The following LYZL1 variants were observed in gnomAD, a reference collection of about 807,000 sequenced individuals.
LYZL1 encodes the protein lysozyme like 1, also known as lysozyme-like protein 1.
Under a neutral mutation model 17.9 loss-of-function variants are expected in LYZL1, and 16 were observed. The observed-to-expected ratio is 0.90, with a 90% confidence interval of 0.61 to 1.36. LYZL1 has a LOEUF of 1.36. Among genes scored for constraint, LYZL1 ranks in the 40% most tolerant of loss-of-function variants. LYZL1 has a pLI of 0.00. For missense variants in LYZL1, 149 were observed against 188.4 expected, an observed-to-expected ratio of 0.79 and a Z score of 1.22; for synonymous variants, 58 against 71.8, an observed-to-expected ratio of 0.81 and a Z score of 0.97.
downstream of LYZL1, among the ~76,000 whole-genome samples, chr10:29,316,120 A>G (rs1298839779): frequency 1.3e-5 from 2 of 152,152 alleles, no homozygotes; most frequent in African/African-American, 4.8e-5. Context: ...AGAGCTTAGG[A>G]TCTGGATCTG....
downstream of LYZL1, chr10:29,311,259 AG>A (rs1455905984): frequency 2.4e-5 from 35 of 1,439,522 alleles, no homozygotes; most frequent in Non-Finnish European, 2.7e-6. Context: ...ATGTCATAAT[AG>A]CATGGTGTTA....
intron 3 of LYZL1, among the ~76,000 whole-genome samples, chr10:29,317,026 G>GT (rs1437383207): frequency 6.6e-6 from 1 of 152,076 alleles, no homozygotes; most frequent in Non-Finnish European, 1.5e-5. Flanking sequence ...CCTCTTCCAG[G>GT]TTTTTTACAG....
intron 4 of LYZL1, 53 bp from the exon 5 acceptor site, chr10:29,310,937 G>C: frequency 1.2e-6 from 2 of 1,613,950 alleles, no homozygotes; most frequent in Non-Finnish European, 1.7e-6. Flanking sequence ...AAACTAAGAC[G>C]GTTTGGATTG....
chr10:29,298,498 G>C (rs1382112536), intron 3 of LYZL1, among the ~76,000 whole-genome samples: 1 of 152,158 alleles, frequency 6.6e-6, no homozygotes, highest in Non-Finnish European at 1.5e-5. Flanking sequence ...TGGCCTCTGA[G>C]TGCACAGAGC....
chr10:29,293,131 TTTC>T (rs768632274), intron 3 of LYZL1, among the ~76,000 whole-genome samples: 34 of 130,700 alleles, frequency 2.6e-4, no homozygotes, highest in South Asian at 5.1e-4. Context: ...TCTTTTCTTT[TTTC>T]TTTTTTTTTT....
At chr10:29,315,641 A>G (rs1458867611), downstream of LYZL1, among the ~76,000 whole-genome samples, 1 of 152,068 alleles carries the variant, frequency 6.6e-6, no homozygotes, top group East Asian at 1.9e-4. Flanking sequence ...TGAGCCCAGG[A>G]GTTTGAGACC....
intron 3 of LYZL1, among the ~76,000 whole-genome samples, chr10:29,304,202 G>A (rs184352106): frequency 2.0e-5 from 3 of 152,238 alleles, no homozygotes; most frequent in Admixed American, 1.3e-4. Context: ...AAGCACACAC[G>A]TTCATATACC....
At chr10:29,300,055 G>A (rs952758414) in intron 3 of LYZL1, among the ~76,000 whole-genome samples, 6 of 152,198 alleles carry the variant, frequency 3.9e-5, no homozygotes, top group Non-Finnish European at 7.3e-5. Context: ...GACTGGCTGT[G>A]TTCCAATAAG....
intron 3 of LYZL1, among the ~76,000 whole-genome samples, chr10:29,301,964 G>T (rs1835524742): frequency 6.6e-6 from 1 of 151,458 alleles, no homozygotes; most frequent in African/African-American, 2.4e-5. Flanking sequence ...TTTCTTTTCA[G>T]ATACCGTATT....
Position 29,300,688 on chromosome 10 carries a change from G to A in LYZL1, c.298+8011G>A, listed in dbSNP as rs188865125. ...TTACCTTCTTTTTGGTTTTGGTTTC[G>A]GTTTTTTTAGACTAGAGGTCTACTG... On this transcript the variant is annotated intron_variant, in intron 3 of 4. Coordinates refer to ENST00000649382, the MANE Select transcript of LYZL1 (RefSeq NM_032517.6). Among the ~76,000 whole-genome samples, 893 of 152,006 alleles carry A rather than the reference G, an allele frequency of 5.9e-3. 13 individuals carry two copies. Among genetic ancestry groups the A allele is most frequent in the South Asian group, 0.047 (226 of 4,794 alleles).
chr10:29,305,189 C>G (rs1835574140), intron 3 of LYZL1, among the ~76,000 whole-genome samples: 1 of 152,166 alleles, frequency 6.6e-6, no homozygotes, highest in South Asian at 2.1e-4. Context: ...CACAGTGTCT[C>G]AGCATTTATC....
intron 3 of LYZL1, among the ~76,000 whole-genome samples, chr10:29,296,232 A>T (rs1028804297): frequency 6.6e-6 from 1 of 152,216 alleles, no homozygotes; most frequent in Non-Finnish European, 1.5e-5. Flanking sequence ...AAGAGGAAAC[A>T]ATACCAAAAC....
intron 3 of LYZL1, among the ~76,000 whole-genome samples, chr10:29,307,779 G>A (rs1835615518): frequency 6.6e-6 from 1 of 152,118 alleles, no homozygotes; most frequent in African/African-American, 2.4e-5. Flanking sequence ...TAAAACTAGA[G>A]TAAACCACTT....
chr10:29,312,146 TTTG>T (rs1835681100), downstream of LYZL1, among the ~76,000 whole-genome samples: 3 of 152,242 alleles, frequency 2.0e-5, no homozygotes, highest in Admixed American at 2.0e-4. Flanking sequence ...CAGCATTTTT[TTTG>T]TTTTGTTTTA....
chr10:29,306,763 A>G (rs1835600214), intron 3 of LYZL1, among the ~76,000 whole-genome samples: 1 of 151,640 alleles, frequency 6.6e-6, no homozygotes, highest in Non-Finnish European at 1.5e-5. Context: ...CAAGTTTAAC[A>G]AATCCATCAC....
At chr10:29,294,059 G>T (rs934043165) in intron 3 of LYZL1, among the ~76,000 whole-genome samples, 1 of 152,146 alleles carries the variant, frequency 6.6e-6, no homozygotes, top group Non-Finnish European at 1.5e-5. Flanking sequence ...AGATAGGGAA[G>T]ATTTGGGTAG....
intron 3 of LYZL1, among the ~76,000 whole-genome samples, chr10:29,308,042 A>G (rs1835619447): frequency 6.6e-6 from 1 of 152,302 alleles, no homozygotes; most frequent in Admixed American, 6.5e-5. Context: ...AAACAAAACA[A>G]AACCTTTGAG....
chr10:29,292,468 G>C (rs1488211774), intron 2 of LYZL1, 51 bp from the exon 3 acceptor site: 1 of 1,599,580 alleles, frequency 6.3e-7, no homozygotes, highest in South Asian at 1.1e-5. Flanking sequence ...ACCAAGCTTA[G>C]AGCAAAAGAT....
downstream of LYZL1, among the ~76,000 whole-genome samples, chr10:29,313,132 A>G (rs141342924): frequency 6.6e-5 from 10 of 152,308 alleles, no homozygotes; most frequent in African/African-American, 2.4e-4. Flanking sequence ...TAAACATGTT[A>G]TATATTTCTA....
Sources: gnomAD v4.1 joint callset for allele counts (sites outside exome capture counted in the v4.1 genomes callset) on GRCh38, gnomAD v4.1.1 for gene constraint, MANE v1.5 for transcripts, NCBI Gene and HGNC (gene_info 2026-07-23, HGNC 2026-07-21) for gene names.